Variants in AVEN observed in about 807,000 individuals in gnomAD.
AVEN encodes cell death regulator Aven.
AVEN carries 41 observed loss-of-function variants against 38.1 expected under a neutral mutation model. The observed-to-expected ratio is 1.08, with a 90% CI of 0.84 to 1.40. The LOEUF (loss-of-function observed/expected upper bound fraction) is 1.40. AVEN is among the 40% of genes most tolerant of loss of function. The pLI is 0.00. For synonymous variants in AVEN, 206 were observed against 171.8 expected (o/e 1.20, Z -1.56); for missense variants, 605 against 438.8 (o/e 1.38, Z -3.38).
At chr15:33,907,191 C>A (rs930503120) in intron 2 of AVEN, among the ~76,000 whole-genome samples, 2 of 152,168 alleles carry the variant, frequency 1.3e-5, no homozygotes, top group Non-Finnish European at 2.9e-5. Flanking sequence ...GCTCGCCCAA[C>A]TCCAGTTGTT....
At chr15:34,049,393 A>G (rs920613913) in intron 5 of AVEN, among the ~76,000 whole-genome samples, 10 of 152,366 alleles carry the variant, frequency 6.6e-5, no homozygotes, top group East Asian at 3.9e-4. Flanking sequence ...ACACACTATG[A>G]GAACTTTACA....
chr15:33,907,250 G>A lies in AVEN; in HGVS notation c.446-31255C>T, dbSNP rs903186222. Among the ~76,000 whole-genome samples, 4 of 152,090 alleles carry A rather than the reference G, an allele frequency of 2.6e-5. No homozygotes were observed. The South Asian group carries it at 8.3e-4, about 32-fold the overall frequency. ...GTTAACTGGGCCTCTCCTTACAGCC[G>A]AGACCTCAAATGATGGGACACAGAG... On this transcript the variant is annotated intron_variant, in intron 2 of 5. Transcript: ENST00000306730.
chr15:33,904,567 A>C (rs1892608497), intron 2 of AVEN, among the ~76,000 whole-genome samples: 1 of 151,702 alleles, frequency 6.6e-6, no homozygotes, highest in South Asian at 2.1e-4. Context: ...GCCCGCCACC[A>C]CGCCTGGCTA....
intron 3 of AVEN, among the ~76,000 whole-genome samples, chr15:33,875,322 G>A (rs1051652837): frequency 6.6e-6 from 1 of 152,158 alleles, no homozygotes; most frequent in Non-Finnish European, 1.5e-5. Context: ...CTAAAAGGGG[G>A]AGAATATCTG....
chr15:33,861,239 C>T (rs1301795018), downstream of AVEN: 4 of 1,219,086 alleles, frequency 3.3e-6, no homozygotes, highest in Non-Finnish European at 1.2e-6. Context: ...CCAATTAGGT[C>T]ATATAGTTCA....
chr15:34,061,037 T>A (rs1900319972), intron 5 of AVEN, among the ~76,000 whole-genome samples: 1 of 152,104 alleles, frequency 6.6e-6, no homozygotes, highest in Admixed American at 6.5e-5. Flanking sequence ...AAAAGATTTT[T>A]TTTTTCCCTT....
chr15:33,877,666 T>G (rs770261322), intron 2 of AVEN, among the ~76,000 whole-genome samples: 5 of 152,060 alleles, frequency 3.3e-5, no homozygotes, highest in Non-Finnish European at 5.9e-5. Context: ...AATACAAAAG[T>G]TAGACTGGTC....
upstream of AVEN, among the ~76,000 whole-genome samples, chr15:34,043,241 C>T (rs1048784906): frequency 5.4e-5 from 8 of 148,700 alleles, no homozygotes; most frequent in African/African-American, 1.8e-4. Context: ...AGCAAGAATC[C>T]GTCTCAAAAA....
chr15:33,904,925 A>G (rs1892639122), intron 2 of AVEN, among the ~76,000 whole-genome samples: 1 of 151,320 alleles, frequency 6.6e-6, no homozygotes, highest in Admixed American at 6.6e-5. Flanking sequence ...AGGTCAGGAG[A>G]TTGAGATCAG....
At chr15:33,944,437 G>A (rs1181970717) in intron 2 of AVEN, among the ~76,000 whole-genome samples, 3 of 152,150 alleles carry the variant, frequency 2.0e-5, no homozygotes, top group Admixed American at 6.6e-5. Flanking sequence ...CTCCAGACAA[G>A]TTTCTCTGGA....
rs1890920388 is a variant in AVEN at position 33,870,935 on chromosome 15, C to G, written c.612G>C (p.Gln204His). The G allele has an allele frequency of 1.2e-6, 2 of 1,610,370 alleles. No individual in the cohort carries two copies. The highest frequency in any genetic ancestry group is 1.7e-6 in the Non-Finnish European group (2 of 1,177,622). ...LRLNVAAELV[Q>H]GTVPLEVPQV... is the part of the protein sequence containing the mutation. ...TTCAAGAGGGCTTCGGGATTTTTAC[C>G]TGGACCAGTTCGGCAGCAACGTTGA... Residue 204 changes from glutamine (Q) to histidine (H), a missense_variant and splice_region_variant, in exon 4 of 6, where the codon CAG (glutamine) becomes CAC (histidine). By Grantham distance (24) the Gln-to-His change is conservative. Coordinates refer to ENST00000306730, the MANE Select transcript of AVEN (RefSeq NM_020371.3).
chr15:33,963,048 T>G (rs1472966701), intron 2 of AVEN, among the ~76,000 whole-genome samples: 1 of 151,424 alleles, frequency 6.6e-6, no homozygotes, highest in Non-Finnish European at 1.5e-5. Context: ...GAACAACTCC[T>G]AACAGTTAGA....
At chr15:33,970,991 G>T (rs1895614400) in intron 2 of AVEN, among the ~76,000 whole-genome samples, 1 of 151,802 alleles carries the variant, frequency 6.6e-6, no homozygotes, top group Admixed American at 6.6e-5. Flanking sequence ...ATTCAGAAAA[G>T]TGATTACTGA....
At chr15:33,998,805 T>C (rs906775399) in intron 2 of AVEN, among the ~76,000 whole-genome samples, 5 of 152,184 alleles carry the variant, frequency 3.3e-5, no homozygotes, top group Admixed American at 1.3e-4. Flanking sequence ...TCAGTCTCCT[T>C]TGCTGGTCTC....
chr15:34,070,530 C>T (rs1900605256), intron 2 of AVEN, among the ~76,000 whole-genome samples: 1 of 151,990 alleles, frequency 6.6e-6, no homozygotes, highest in African/African-American at 2.4e-5. Context: ...GTGATGACTA[C>T]TTACCAAACA....
intron 1 of AVEN, among the ~76,000 whole-genome samples, chr15:34,006,282 G>T (rs1897336811): frequency 6.6e-6 from 1 of 150,486 alleles, no homozygotes; most frequent in African/African-American, 2.4e-5. Context: ...TTGCAATCCA[G>T]CCCGGGCAAC....
chr15:34,073,038 T>C lies in AVEN; in HGVS notation n.720+1398A>G, dbSNP rs867194303. On this transcript the variant is annotated intron_variant and non_coding_transcript_variant, in intron 1 of 11. Coordinates refer to the AVEN transcript ENST00000675287. ...TTTTTTCTATGTACAGACACTTTTT[T>C]TTTTTCTTTTTCTTTTTTTTGAGAC... Among the ~76,000 whole-genome samples the C allele has an allele frequency of 1.9e-3, 281 of 151,514 alleles. 1 individual carries two copies. The highest frequency in any genetic ancestry group is 6.5e-3 in the African/African-American group (269 of 41,310).
At chr15:33,996,996 C>T (rs541315173) in intron 2 of AVEN, among the ~76,000 whole-genome samples, 2 of 152,216 alleles carry the variant, frequency 1.3e-5, no homozygotes, top group South Asian at 2.1e-4. Flanking sequence ...GAATAAACAG[C>T]GTAGAGAAGA....
intron 2 of AVEN, among the ~76,000 whole-genome samples, chr15:33,880,774 G>A (rs1266392907): frequency 6.6e-6 from 1 of 152,102 alleles, no homozygotes; most frequent in African/African-American, 2.4e-5. Context: ...AGAGTTAACT[G>A]AAAAAGATCC....
Sources: allele counts gnomAD v4.1 joint callset (sites outside exome capture counted in the v4.1 genomes callset), GRCh38; gene constraint gnomAD v4.1.1; transcripts MANE v1.5; gene names NCBI Gene and HGNC (gene_info 2026-07-23, HGNC 2026-07-21).